METTL22: variants seen among roughly 807,000 people sequenced by gnomAD.
The protein encoded by METTL22 is methyltransferase 22, Kin17 lysine, also known as methyltransferase-like protein 22.
A neutral mutation model predicts 48.4 loss-of-function variants in METTL22; 51 were observed. That is an observed-to-expected ratio of 1.05 (90% CI 0.84 to 1.33). The LOEUF is 1.33. METTL22 is among the 40% of genes most tolerant of loss of function. The pLI is 0.00. For synonymous variants in METTL22, 255 were observed against 214.1 expected (o/e 1.19, Z -1.67); for missense variants, 678 against 526.9 (o/e 1.29, Z -2.81).
chr16:8,652,701 T>G (rs982693870), downstream of METTL22, among the ~76,000 whole-genome samples: 19 of 152,164 alleles, frequency 1.2e-4, no homozygotes, highest in Non-Finnish European at 2.5e-4. Flanking sequence ...TTTTTAATTT[T>G]AGACTCATCT....
downstream of METTL22, among the ~76,000 whole-genome samples, chr16:8,650,904 A>G (rs2056884668): frequency 1.3e-5 from 2 of 152,130 alleles, no homozygotes; most frequent in Non-Finnish European, 2.9e-5. Flanking sequence ...CGTGCCTGTA[A>G]TTCCAGCTAC....
At chr16:8,660,143 T>C in the METTL22 span, among the ~76,000 whole-genome samples, 1 of 151,344 alleles carries the variant, frequency 6.6e-6, no homozygotes, top group African/African-American at 2.4e-5. Context: ...TGACTTTATG[T>C]GTAACATGGC....
intron 1 of METTL22, among the ~76,000 whole-genome samples, chr16:8,622,491 A>G (rs950986726): frequency 2.0e-5 from 3 of 152,028 alleles, no homozygotes; most frequent in African/African-American, 4.8e-5. Flanking sequence ...CCCATCTGCA[A>G]CCTGGGTCTC....
intron 1 of METTL22, among the ~76,000 whole-genome samples, chr16:8,625,165 A>T (rs531715420): frequency 6.6e-6 from 1 of 152,322 alleles, no homozygotes; most frequent in Non-Finnish European, 1.5e-5. Flanking sequence ...GACATTAAAT[A>T]ATTTAGGGGC....
chr16:8,660,877 AGAGGAG>A, the METTL22 span, among the ~76,000 whole-genome samples: 15 of 10,880 alleles, frequency 1.4e-3, 1 homozygote, highest in African/African-American at 4.1e-3. Context: ...AGGAGGAGGA[AGAGGAG>A]GAGGAGGAGG....
At chr16:8,643,023 C>G (rs1006424428) in intron 9 of METTL22, 2 of 182,926 alleles carry the variant, frequency 1.1e-5, no homozygotes, top group East Asian at 2.5e-4. Context: ...GACATTTCCA[C>G]TAGAATATCC....
chr16:8,645,314 T>C (rs2056753625), intron 10 of METTL22, among the ~76,000 whole-genome samples: 1 of 152,184 alleles, frequency 6.6e-6, no homozygotes, highest in East Asian at 1.9e-4. Context: ...GCCCTTGCAC[T>C]CTGTCTCGCG....
Position 8,635,181 on chromosome 16 carries a change from C to A in METTL22, c.569C>A (p.Ala190Asp). The stretch of plus-strand genomic sequence containing the variant: ...TCTTCCCTCCAGGTGTGGCGGGGCG[C>A]CCTGCTCCTGGCAGACTACATCCTG... Reference protein sequence around the residue: ...EDVGKQVWRGALLLADYILFR... With the variant: ...EDVGKQVWRGDLLLADYILFR... The change falls in exon 5 of 11, where the codon GCC becomes GAC. Residue 190 changes from alanine (A) to aspartate (D), a missense_variant. Physicochemically the swap from Ala to Asp is moderately radical, Grantham distance 126 (BLOSUM62 -2). Coordinates refer to ENST00000381920, the MANE Select transcript of METTL22 (RefSeq NM_024109.4). The A allele has an allele frequency of 1.9e-6, 3 of 1,610,462 alleles. No homozygotes were observed. The highest frequency in any genetic ancestry group is 2.5e-6 in the Non-Finnish European group (3 of 1,178,094).
At chr16:8,658,005 C>T in the METTL22 span, among the ~76,000 whole-genome samples, 1 of 152,166 alleles carries the variant, frequency 6.6e-6, no homozygotes, top group South Asian at 2.1e-4. Flanking sequence ...TTAGCAGAGA[C>T]GGGGTTTCAC....
intron 3 of METTL22, among the ~76,000 whole-genome samples, chr16:8,634,244 G>T (rs908001266): frequency 4.6e-5 from 7 of 152,188 alleles, no homozygotes; most frequent in South Asian, 2.1e-4. Context: ...ACCCTACACA[G>T]TCGATTTCTT....
rs2056841964 is a variant in METTL22, at chr16:8,648,411, CAAAGT to C, written c.*2269_*2273del. On this transcript the variant is annotated 3_prime_UTR_variant, in exon 11 of 11. Coordinates refer to ENST00000381920, the MANE Select transcript of METTL22 (RefSeq NM_024109.4). ...GGGAGGCCGAGGCGGGTGGATCACC[CAAAGT>C]CAGGAGTTCAAGACCAGCCTGGCCA... 6.6e-6 allele frequency: 1 copy of C among 151,944 alleles called. No individual in the cohort carries two copies. Among genetic ancestry groups the C allele is most frequent in the South Asian group, 2.1e-4 (1 of 4,822 alleles). The allele number at this position is 151,944 out of a possible 1,614,324, so 9.4% of individuals were successfully genotyped here. A position where few individuals can be genotyped will look rare whatever the true frequency, so the allele number is the denominator to read the frequency against.
intron 2 of METTL22, among the ~76,000 whole-genome samples, chr16:8,627,769 A>G (rs1184302434): frequency 6.6e-6 from 1 of 152,164 alleles, no homozygotes; most frequent in Non-Finnish European, 1.5e-5. Flanking sequence ...TTTATGAGAC[A>G]GGGTCTCATT....
intron 5 of METTL22, among the ~76,000 whole-genome samples, chr16:8,636,143 G>A (rs866381594): frequency 6.6e-6 from 1 of 151,958 alleles, no homozygotes; most frequent in Non-Finnish European, 1.5e-5. Flanking sequence ...GGAATCCCCA[G>A]TGTCTGTGTT....
At chr16:8,644,971 A>G (rs1205726369) in intron 10 of METTL22, 1 of 375,636 alleles carries the variant, frequency 2.7e-6, no homozygotes, top group Non-Finnish European at 4.8e-6. Context: ...TATAGCACAT[A>G]TTCCCCCCGT....
chr16:8,652,011 C>G (rs556989747), downstream of METTL22, among the ~76,000 whole-genome samples: 13 of 152,192 alleles, frequency 8.5e-5, no homozygotes, highest in African/African-American at 3.1e-4. Context: ...CACATGTATC[C>G]CAGAACTTAA....
chr16:8,640,973 G>GCTGGCTGTCTGGCTGT (rs71152912), intron 6 of METTL22, among the ~76,000 whole-genome samples, 158 bp from the exon 7 acceptor site: 1,060 of 40,280 alleles, frequency 0.026, 88 homozygotes, highest in Middle Eastern at 0.048. Context: ...TGGCTGGCTG[G>GCTGGCTGTCTGGCTGT]CTGGCTGGCT....
intron 5 of METTL22, 103 bp downstream of exon 5, chr16:8,635,415 C>T (rs1354833036): frequency 1.4e-6 from 2 of 1,402,008 alleles, no homozygotes; most frequent in East Asian, 4.9e-5. Context: ...TGGATGTTAG[C>T]TGTTGTTGAT....
chr16:8,646,007 G>A, intron 10 of METTL22, 101 bp from the exon 11 acceptor site: 4 of 1,558,616 alleles, frequency 2.6e-6, no homozygotes, highest in Non-Finnish European at 3.5e-6. Flanking sequence ...TGGCTGACGT[G>A]TTGTCTAACT....
chr16:8,641,563 C>T, intron 7 of METTL22: 1 of 487,036 alleles, frequency 2.1e-6, no homozygotes, highest in East Asian at 5.9e-5. Flanking sequence ...CCAGGAAACC[C>T]CCCGGGTAGG....
Sources: allele counts gnomAD v4.1 joint callset (sites outside exome capture counted in the v4.1 genomes callset), GRCh38; gene constraint gnomAD v4.1.1; transcripts MANE v1.5; gene names NCBI Gene and HGNC (gene_info 2026-07-23, HGNC 2026-07-21).